DGKD: variants seen among roughly 807,000 people sequenced by gnomAD.
DGKD encodes the protein diacylglycerol kinase delta.
DGKD carries 68 observed loss-of-function variants against 154.4 expected under a neutral mutation model. The observed-to-expected ratio is 0.44, with a 90% CI of 0.36 to 0.54. The LOEUF (loss-of-function observed/expected upper bound fraction) is 0.54. Among genes scored for constraint, DGKD ranks in the 20% least tolerant of loss-of-function variants. The pLI is 0.00. For synonymous variants in DGKD, 693 were observed against 638.0 expected (o/e 1.09, Z -1.30); for missense variants, 1,343 against 1,593.6 (o/e 0.84, Z 2.68).
At chr2:233,420,996 C>A (rs139778194) in intron 3 of DGKD, among the ~76,000 whole-genome samples, 2 of 152,122 alleles carry the variant, frequency 1.3e-5, no homozygotes, top group African/African-American at 4.8e-5. Flanking sequence ...GACTGGTGAT[C>A]GTCAAATTAC....
At chr2:233,448,591 C>T (rs912370969) in intron 14 of DGKD, among the ~76,000 whole-genome samples, 1 of 152,230 alleles carries the variant, frequency 6.6e-6, no homozygotes, top group African/African-American at 2.4e-5. Flanking sequence ...GTGGGAGCTG[C>T]CCGAGCAGCG....
chr2:233,449,630 G>A lies in DGKD; in HGVS notation c.1888+254G>A, dbSNP rs1474725593. Reference sequence around the variant, plus strand: ...GGCCCTCATTGACTTCACTATAAGCGTCTCACTCCCGTGAGAGCCTTGAGG... The same window carrying A: ...GGCCCTCATTGACTTCACTATAAGCATCTCACTCCCGTGAGAGCCTTGAGG... On this transcript the variant is annotated intron_variant, in intron 15 of 29. Transcript: ENST00000264057. This position sits in a 1 kb window ranked among gnomAD's most constrained non-coding sequence, Gnocchi z 5.3. Among the ~76,000 whole-genome samples, 2 of 151,966 alleles carry A rather than the reference G, an allele frequency of 1.3e-5. No individual in the cohort carries two copies. The highest frequency in any genetic ancestry group is 2.1e-4 in the South Asian group (1 of 4,808).
At chr2:233,447,421 C>A in intron 12 of DGKD, 1 of 960,044 alleles carries the variant, frequency 1.0e-6, no homozygotes, top group Non-Finnish European at 1.2e-6. Flanking sequence ...GGGGCTAGGG[C>A]AACGGTCAGC....
At chr2:233,448,884 T>G (rs2063173289) in intron 14 of DGKD, among the ~76,000 whole-genome samples, 1 of 152,244 alleles carries the variant, frequency 6.6e-6, no homozygotes. Context: ...TGGTTGGTTG[T>G]GGACAGCCAA....
At position 233,457,165 on chromosome 2, in the gene DGKD, G is replaced by T; in HGVS notation, c.2473-56G>T. 1.4e-6 allele frequency: 2 copies of T among 1,419,504 alleles called. No individual in the cohort carries two copies. The highest frequency in any genetic ancestry group is 1.9e-6 in the Non-Finnish European group (2 of 1,039,954). The allele number at this position is 1,419,504 out of a possible 1,614,324, so 87.9% of individuals were successfully genotyped here. ...CTGGCGGTGGGAAGCTGGTAGAGAA[G>T]GAGGGGCTGACTCATACCTTTCTCT... On this transcript the variant is annotated intron_variant, in intron 20 of 29. Transcript: ENST00000264057. This position sits in a 1 kb window ranked among gnomAD's most constrained non-coding sequence, Gnocchi z 5.5.
At chr2:233,371,955 A>G in intron 1 of DGKD, among the ~76,000 whole-genome samples, 1 of 152,228 alleles carries the variant, frequency 6.6e-6, no homozygotes, top group Non-Finnish European at 1.5e-5. Flanking sequence ...TACATATTTA[A>G]AGAGTTTAAA....
At chr2:233,451,132 G>T in intron 17 of DGKD, 82 bp downstream of exon 17, 2 of 1,481,018 alleles carry the variant, frequency 1.4e-6, no homozygotes, top group Non-Finnish European at 1.8e-6. Flanking sequence ...TGGGCTCGCT[G>T]CCCTCGGAGA....
At chr2:233,380,040 G>A (rs888894980) in intron 1 of DGKD, 2 of 152,288 alleles carry the variant, frequency 1.3e-5, no homozygotes, top group African/African-American at 4.8e-5. Context: ...GCAGAGACAA[G>A]AGGCAGAACA....
chr2:233,442,225 C>T lies in DGKD; in HGVS notation c.1194+230C>T, dbSNP rs955309781. ...TCTGGCCATGATGTATGAGGGGGAC[C>T]TGAAGGGAGCTACGAAAAGAATTGC... On this transcript the variant is annotated intron_variant, in intron 10 of 29. Transcript: ENST00000264057. The T allele has an allele frequency of 6.2e-6, 4 of 649,690 alleles. No individual in the cohort carries two copies. In the African/African-American group the frequency reaches 7.2e-5, roughly 12 times the overall value. The allele number at this position is 649,690 out of a possible 1,614,324, so 40.2% of individuals were successfully genotyped here. A position where few individuals can be genotyped will look rare whatever the true frequency, so the allele number is the denominator to read the frequency against.
rs375413384 is a variant in DGKD, at chr2:233,462,743, G to C, written c.3186+8G>C. ...TCTGGGAAGATGGCCCTGGTAAGCTGGTGCCCCAGGGACAGCAGGGCTCGG... is the reference window on the plus strand; with the variant it reads ...TCTGGGAAGATGGCCCTGGTAAGCTCGTGCCCCAGGGACAGCAGGGCTCGG... On this transcript the variant is annotated splice_region_variant and intron_variant, in intron 26 of 29. Transcript: ENST00000264057. The C allele has an allele frequency of 1.9e-6, 3 of 1,611,456 alleles. No homozygotes were observed. The highest frequency in any genetic ancestry group is 1.7e-6 in the Non-Finnish European group (2 of 1,178,468).
chr2:233,406,116 C>T (rs2061679866), intron 3 of DGKD, among the ~76,000 whole-genome samples: 1 of 152,156 alleles, frequency 6.6e-6, no homozygotes, highest in African/African-American at 2.4e-5. Context: ...GTGGCTGCAT[C>T]GCTTCAAGAT....
At chr2:233,428,867 G>GTTTT (rs10628027) in intron 3 of DGKD, among the ~76,000 whole-genome samples, 16 of 145,426 alleles carry the variant, frequency 1.1e-4, no homozygotes, top group African/African-American at 3.3e-4. Flanking sequence ...CAAATAAGAG[G>GTTTT]TTTTTTTTTG....
At chr2:233,386,399 C>T (rs1315438568) in intron 1 of DGKD, among the ~76,000 whole-genome samples, 1 of 152,184 alleles carries the variant, frequency 6.6e-6, no homozygotes, top group African/African-American at 2.4e-5. Flanking sequence ...GAAACAAATA[C>T]CATTTCCCAG....
At chr2:233,386,125 A>G (rs1159889633) in intron 1 of DGKD, 1 of 336,456 alleles carries the variant, frequency 3.0e-6, no homozygotes, top group Non-Finnish European at 6.0e-6. Flanking sequence ...AAGATAACTT[A>G]TAACTTTTCT....
At chr2:233,391,239 A>G (rs1703587896) in intron 3 of DGKD, among the ~76,000 whole-genome samples, 2 of 151,844 alleles carry the variant, frequency 1.3e-5, no homozygotes. Context: ...TATAAAAGTT[A>G]TGTAGGACTT....
chr2:233,450,076 A>T lies in DGKD; in HGVS notation c.1983A>T (p.Pro661=). The change falls in exon 16 of 30, where the codon CCA becomes CCT. Residue 661 remains proline (P), a synonymous_variant. Coordinates refer to ENST00000264057, the MANE Select transcript of DGKD (RefSeq NM_152879.3). ...SEEKMDHRVC[P]PLSHSESFGV... ...AGAAGATGGACCACAGAGTGTGCCC[A>T]CCACTGTCCCACAGCGAGAGCTTCG... is the stretch of plus-strand genomic sequence containing the variant. 6.2e-7 allele frequency: 1 copy of T among 1,613,938 alleles called. No homozygotes were observed. The highest frequency in any genetic ancestry group is 8.5e-7 in the Non-Finnish European group (1 of 1,179,942).
At chr2:233,386,993 C>T (rs1703221306) in intron 1 of DGKD, among the ~76,000 whole-genome samples, 1 of 152,158 alleles carries the variant, frequency 6.6e-6, no homozygotes. Flanking sequence ...GGTGTCCGTC[C>T]ACATGTTGAT....
chr2:233,469,612 C>A lies in DGKD; in HGVS notation c.*152C>A. On this transcript the variant is annotated 3_prime_UTR_variant, in exon 30 of 30. Coordinates refer to ENST00000264057, the MANE Select transcript of DGKD (RefSeq NM_152879.3). Reference sequence around the variant, plus strand: ...CTCATGGTGCTACTTCCTCTGTCAGCTACAGAAAGCCTCCGTGACACCGTC... The same window carrying A: ...CTCATGGTGCTACTTCCTCTGTCAGATACAGAAAGCCTCCGTGACACCGTC... 1.5e-6 allele frequency: 1 copy of A among 649,492 alleles called. No homozygotes were observed. The highest frequency in any genetic ancestry group is 2.7e-6 in the Non-Finnish European group (1 of 374,818). 40.2% of individuals were successfully genotyped at this position (649,492 alleles called of 1,614,324 possible). A position where few individuals can be genotyped will look rare whatever the true frequency, so the allele number is the denominator to read the frequency against.
At chr2:233,362,327 T>G (rs904911676) in intron 1 of DGKD, among the ~76,000 whole-genome samples, 8 of 151,944 alleles carry the variant, frequency 5.3e-5, no homozygotes, top group African/African-American at 1.9e-4. Flanking sequence ...AGAGGAGAAG[T>G]GAGAGAAAAT....
Sources: gnomAD v4.1 joint callset for allele counts (sites outside exome capture counted in the v4.1 genomes callset) on GRCh38, gnomAD v4.1.1 for gene constraint, Gnocchi (gnomAD v3.1) non-coding constraint, MANE v1.5 for transcripts, NCBI Gene and HGNC (gene_info 2026-07-23, HGNC 2026-07-21) for gene names.